Variants in DCLK1 observed in about 807,000 individuals in gnomAD.
DCLK1 encodes the protein serine/threonine-protein kinase DCLK1.
A neutral mutation model predicts 86.2 loss-of-function variants in DCLK1; 16 were observed. The observed-to-expected ratio is 0.19, with a 90% CI of 0.13 to 0.28. The LOEUF is 0.28. Among genes scored for constraint, DCLK1 ranks in the 10% least tolerant of loss-of-function variants. The pLI is 1.00. For missense variants in DCLK1, 590 were observed against 940.2 expected (o/e 0.63, Z 4.87); for synonymous variants, 369 against 370.5 (o/e 1.00, Z 0.05).
intron 5 of DCLK1, 60 bp downstream of exon 5, chr13:35,871,164 C>G: frequency 7.2e-7 from 1 of 1,389,180 alleles, no homozygotes; most frequent in Admixed American, 1.8e-5. Flanking sequence ...TTCACACACC[C>G]TCTGCTCATC....
intron 3 of DCLK1, among the ~76,000 whole-genome samples, chr13:36,069,524 C>T (rs1883888907): frequency 6.6e-6 from 1 of 152,184 alleles, no homozygotes; most frequent in African/African-American, 2.4e-5. Context: ...CTTTCAGTCA[C>T]CAGGGTGGTG....
chr13:35,844,759 T>A (rs535644790), intron 6 of DCLK1, among the ~76,000 whole-genome samples: 3 of 152,342 alleles, frequency 2.0e-5, no homozygotes, highest in African/African-American at 7.2e-5. Flanking sequence ...TTTTTATAAA[T>A]TTGGAAACAT....
chr13:35,930,134 T>C (rs143345036), intron 4 of DCLK1, among the ~76,000 whole-genome samples: 500 of 152,336 alleles, frequency 3.3e-3, no homozygotes, highest in Non-Finnish European at 5.4e-3. Flanking sequence ...TCTGCTTTCC[T>C]GAAGTAGATA....
chr13:35,822,430 G>C (rs1486658586), intron 11 of DCLK1, among the ~76,000 whole-genome samples: 1 of 152,120 alleles, frequency 6.6e-6, no homozygotes, highest in East Asian at 1.9e-4. Context: ...ATTTGTGTCT[G>C]TGTAACTTGT....
intron 3 of DCLK1, among the ~76,000 whole-genome samples, chr13:36,067,597 C>T (rs911755377): frequency 4.6e-5 from 7 of 151,914 alleles, no homozygotes; most frequent in African/African-American, 1.7e-4. Flanking sequence ...AATAAAAGAA[C>T]CTGTGCTAAC....
intron 3 of DCLK1, among the ~76,000 whole-genome samples, chr13:36,050,132 G>A (rs1237180874): frequency 6.6e-6 from 1 of 152,174 alleles, no homozygotes; most frequent in Non-Finnish European, 1.5e-5. Context: ...TTAAAGCACT[G>A]TTAAACTTTC....
chr13:35,943,459 T>C (rs565984899), intron 4 of DCLK1, among the ~76,000 whole-genome samples: 3 of 152,224 alleles, frequency 2.0e-5, no homozygotes, highest in East Asian at 1.9e-4. Context: ...AGCAAAACAA[T>C]AGACATTGAA....
intron 3 of DCLK1, among the ~76,000 whole-genome samples, chr13:36,015,694 G>C (rs1434357656): frequency 6.6e-6 from 1 of 151,996 alleles, no homozygotes. Context: ...ACCAATCTAG[G>C]GCTTACCTGG....
intron 4 of DCLK1, among the ~76,000 whole-genome samples, chr13:35,911,247 T>A (rs1257137121): frequency 6.6e-6 from 1 of 150,670 alleles, no homozygotes; most frequent in Non-Finnish European, 1.5e-5. Flanking sequence ...TGAGCAGAGG[T>A]TGCGCCACTG....
intron 15 of DCLK1, among the ~76,000 whole-genome samples, chr13:35,801,142 A>G (rs758432530): frequency 6.6e-6 from 1 of 152,254 alleles, no homozygotes; most frequent in African/African-American, 2.4e-5. Flanking sequence ...TACGGTTCAC[A>G]TAATTATTAG....
intron 3 of DCLK1, among the ~76,000 whole-genome samples, chr13:35,962,436 G>C (rs796603724): frequency 6.6e-6 from 1 of 152,132 alleles, no homozygotes; most frequent in Non-Finnish European, 1.5e-5. Context: ...CCAGAAGCTA[G>C]GGGAGAGGCC....
At chr13:35,871,399 C>G (rs1872267839) in intron 4 of DCLK1, 59 bp from the exon 5 acceptor site, 1 of 1,305,354 alleles carries the variant, frequency 7.7e-7, no homozygotes, top group East Asian at 2.3e-5. Context: ...CACACCAACT[C>G]AAAATGCACA....
intron 3 of DCLK1, among the ~76,000 whole-genome samples, chr13:36,026,387 TGTCAACAATTTGA>T (rs1297152498): frequency 6.6e-6 from 1 of 152,202 alleles, no homozygotes; most frequent in Non-Finnish European, 1.5e-5. Flanking sequence ...CACAGCCAAC[TGTCAACAATTTGA>T]GACAAATAAG....
rs1276736488 is a variant in DCLK1 at position 35,769,444 on chromosome 13, T to C, written c.*5091A>G. 2 of 152,234 alleles carry C rather than the reference T, an allele frequency of 1.3e-5. No individual in the cohort carries two copies. The highest frequency in any genetic ancestry group is 2.9e-5 in the Non-Finnish European group (2 of 68,040). The allele number at this position is 152,234 out of a possible 1,614,324, so 9.4% of individuals were successfully genotyped here. On this transcript the variant is annotated 3_prime_UTR_variant, in exon 17 of 17. Transcript: ENST00000360631. ...TTTCAGCCAGAATGAAAAAGGCTAGTATTAATTTCCTAATAAAATTTTTTT... is the reference window on the plus strand; with the variant it reads ...TTTCAGCCAGAATGAAAAAGGCTAGCATTAATTTCCTAATAAAATTTTTTT...
chr13:35,816,738 G>A (rs2087275774), intron 11 of DCLK1, among the ~76,000 whole-genome samples: 1 of 152,250 alleles, frequency 6.6e-6, no homozygotes, highest in East Asian at 1.9e-4. Flanking sequence ...CACTACTGGT[G>A]GTCTAACCAC....
chr13:35,787,887 G>T, intron 16 of DCLK1: 1 of 355,330 alleles, frequency 2.8e-6, no homozygotes, highest in South Asian at 2.5e-5. Context: ...GGACAGAAGA[G>T]CACTGGAAAT....
At chr13:35,785,769 C>T (rs1381181520) in intron 16 of DCLK1, among the ~76,000 whole-genome samples, 2 of 152,118 alleles carry the variant, frequency 1.3e-5, no homozygotes, top group African/African-American at 2.4e-5. Context: ...CAGGGATGCT[C>T]GCCTGTAATG....
At chr13:36,022,822 CAT>C (rs1304589729) in intron 3 of DCLK1, among the ~76,000 whole-genome samples, 1 of 152,056 alleles carries the variant, frequency 6.6e-6, no homozygotes, top group African/African-American at 2.4e-5. Flanking sequence ...TTATATCAAA[CAT>C]GTAAAGAAAA....
chr13:35,791,349 C>A (rs2086704330), intron 16 of DCLK1, among the ~76,000 whole-genome samples: 2 of 151,722 alleles, frequency 1.3e-5, no homozygotes, highest in Admixed American at 6.6e-5. Context: ...CATTACACAG[C>A]CCACTTTACA....
Sources: allele counts gnomAD v4.1 joint callset (sites outside exome capture counted in the v4.1 genomes callset), GRCh38; gene constraint gnomAD v4.1.1; transcripts MANE v1.5; gene names NCBI Gene and HGNC (gene_info 2026-07-23, HGNC 2026-07-21).